Variants in SOX6 observed in about 807,000 individuals in gnomAD.
SOX6 encodes the protein transcription factor SOX-6.
A neutral mutation model predicts 97.8 loss-of-function variants in SOX6; 11 were observed. The ratio of observed to expected loss-of-function variants is 0.11; its 90% CI spans 0.07 to 0.19. The LOEUF is 0.19. Among genes scored for constraint, SOX6 ranks in the 10% least tolerant of loss-of-function variants. SOX6 has a pLI of 1.00. For synonymous variants in SOX6, 360 were observed against 371.4 expected (o/e 0.97, Z 0.35); for missense variants, 810 against 1,039.5 (o/e 0.78, Z 3.04).
intron 3 of SOX6, among the ~76,000 whole-genome samples, chr11:16,677,653 AT>A (rs1847895087): frequency 6.6e-6 from 1 of 152,158 alleles, no homozygotes; most frequent in Non-Finnish European, 1.5e-5. Context: ...TGTAAGGAGT[AT>A]TGATCTGTGA....
intron 1 of SOX6, among the ~76,000 whole-genome samples, chr11:16,349,674 GAGGAAGGAAGGAAGGA>G (rs1296857091): frequency 0.011 from 747 of 66,932 alleles, 13 homozygotes; most frequent in South Asian, 0.018. Flanking sequence ...GGGAGGGAGG[GAGGAAGGAAGGAAGGA>G]AGGAAGGAAG....
chr11:16,370,564 T>C (rs937225793), intron 1 of SOX6, among the ~76,000 whole-genome samples: 1 of 152,150 alleles, frequency 6.6e-6, no homozygotes. Flanking sequence ...TACACTCTCA[T>C]AGAGTTTATC....
intron 4 of SOX6, among the ~76,000 whole-genome samples, chr11:16,583,603 G>GTA (rs1848051876): frequency 8.8e-5 from 2 of 22,668 alleles, no homozygotes; most frequent in Admixed American, 6.0e-4. Context: ...GTATATATGT[G>GTA]TATATATATA....
intron 4 of SOX6, among the ~76,000 whole-genome samples, chr11:16,559,200 T>A (rs1847781062): frequency 6.6e-6 from 1 of 152,052 alleles, no homozygotes; most frequent in Admixed American, 6.6e-5. Context: ...TCTCCTTTAA[T>A]CAATAAAATA....
intron 13 of SOX6, among the ~76,000 whole-genome samples, chr11:16,010,718 T>C (rs1854692365): frequency 6.6e-6 from 1 of 151,826 alleles, no homozygotes; most frequent in Non-Finnish European, 1.5e-5. Flanking sequence ...TGAAAGGTAA[T>C]TGGGAAATAC....
intron 1 of SOX6, among the ~76,000 whole-genome samples, chr11:16,405,065 T>A (rs550932955): frequency 1.5e-4 from 23 of 152,096 alleles, no homozygotes; most frequent in African/African-American, 4.8e-4. Context: ...TTTAGAGTAA[T>A]GGCTTAAACA....
chr11:16,322,243 G>A (rs1855949552), intron 2 of SOX6, among the ~76,000 whole-genome samples: 1 of 152,092 alleles, frequency 6.6e-6, no homozygotes, highest in African/African-American at 2.4e-5. Context: ...CTTGGTGGGT[G>A]GTGATTAAAT....
At chr11:16,685,863 C>T (rs1278738285) in intron 3 of SOX6, among the ~76,000 whole-genome samples, 3 of 152,282 alleles carry the variant, frequency 2.0e-5, no homozygotes, top group Non-Finnish European at 4.4e-5. Context: ...CATACATTCT[C>T]TGAAATCTTG....
chr11:16,548,567 G>A (rs2133182811), intron 4 of SOX6, among the ~76,000 whole-genome samples: 1 of 152,224 alleles, frequency 6.6e-6, no homozygotes, highest in South Asian at 2.1e-4. Context: ...CTTAGGTAAA[G>A]ATATCTCAAA....
intron 3 of SOX6, among the ~76,000 whole-genome samples, chr11:16,256,773 G>A (rs930136556): frequency 1.3e-4 from 19 of 151,722 alleles, no homozygotes; most frequent in African/African-American, 4.1e-4. Flanking sequence ...AAATGAAACT[G>A]TCTTTGATCA....
chr11:16,028,604 T>C (rs1683018853), intron 12 of SOX6, among the ~76,000 whole-genome samples: 1 of 152,218 alleles, frequency 6.6e-6, no homozygotes, highest in African/African-American at 2.4e-5. Context: ...ATTCCTCTGA[T>C]TATTGCAGTC....
chr11:16,096,250 A>G, intron 8 of SOX6, 132 bp from the exon 9 acceptor site: 1 of 1,136,748 alleles, frequency 8.8e-7, no homozygotes, highest in Non-Finnish European at 1.2e-6. Flanking sequence ...TTTAAGACTC[A>G]GTTTCTTTCT....
intron 13 of SOX6, among the ~76,000 whole-genome samples, chr11:15,999,972 G>C (rs2119885973): frequency 6.6e-6 from 1 of 152,240 alleles, no homozygotes; most frequent in Non-Finnish European, 1.5e-5. Flanking sequence ...AATTAGAAAA[G>C]AGAGTACTAA....
intron 12 of SOX6, among the ~76,000 whole-genome samples, chr11:16,020,554 C>T (rs554392061): frequency 1.3e-5 from 2 of 152,214 alleles, no homozygotes; most frequent in South Asian, 4.1e-4. Flanking sequence ...GTCACATATC[C>T]TCTGGTTGAG....
At chr11:16,095,610 A>G (rs1055616435) in intron 9 of SOX6, among the ~76,000 whole-genome samples, 1 of 151,876 alleles carries the variant, frequency 6.6e-6, no homozygotes, top group Non-Finnish European at 1.5e-5. Context: ...ATTATATTTG[A>G]TCAAATTTAC....
At chr11:16,631,113 G>A (rs1401608908) in intron 3 of SOX6, among the ~76,000 whole-genome samples, 1 of 152,048 alleles carries the variant, frequency 6.6e-6, no homozygotes, top group African/African-American at 2.4e-5. Flanking sequence ...TGTGAGGTTT[G>A]ATCCTATCAT....
chr11:16,017,980 T>C (rs1297505286), intron 12 of SOX6, among the ~76,000 whole-genome samples: 1 of 152,092 alleles, frequency 6.6e-6, no homozygotes, highest in Non-Finnish European at 1.5e-5. Context: ...CACTTACTTA[T>C]GCATTGTCAG....
intron 12 of SOX6, among the ~76,000 whole-genome samples, chr11:16,028,477 G>A (rs1057363119): frequency 3.3e-5 from 5 of 152,234 alleles, no homozygotes; most frequent in East Asian, 3.9e-4. Flanking sequence ...CATTGAATTC[G>A]TGAAGCTTTT....
intron 4 of SOX6, among the ~76,000 whole-genome samples, chr11:16,226,706 G>C (rs1852699193): frequency 1.4e-5 from 2 of 145,700 alleles, no homozygotes; most frequent in Non-Finnish European, 3.0e-5. Context: ...CAGTAGTTCT[G>C]TCTTACCCTG....
Sources: allele counts gnomAD v4.1 joint callset (sites outside exome capture counted in the v4.1 genomes callset), GRCh38; gene constraint gnomAD v4.1.1; transcripts MANE v1.5; gene names NCBI Gene and HGNC (gene_info 2026-07-23, HGNC 2026-07-21).